RILPL2: variants seen among roughly 807,000 people sequenced by gnomAD.
The protein encoded by RILPL2 is RILP-like protein 2.
A neutral mutation model predicts 22.2 loss-of-function variants in RILPL2; 19 were observed. That is an observed-to-expected ratio of 0.86 (90% CI 0.60 to 1.25). The LOEUF is 1.25. RILPL2 is among the 50% of genes most tolerant of loss of function. RILPL2 has a pLI of 0.00. For synonymous variants in RILPL2, 123 were observed against 111.6 expected, an observed-to-expected ratio of 1.10 and a Z score of -0.64; for missense variants, 243 against 263.6, an observed-to-expected ratio of 0.92 and a Z score of 0.54.
chr12:123,431,481 G>A (rs1311627108), intron 1 of RILPL2, among the ~76,000 whole-genome samples: 1 of 152,112 alleles, frequency 6.6e-6, no homozygotes, highest in Non-Finnish European at 1.5e-5. Context: ...TGGTGGTGAT[G>A]GCTGCACAAC....
chr12:123,432,985 T>TAAGAAG (rs147578719), intron 1 of RILPL2, among the ~76,000 whole-genome samples: 21 of 151,422 alleles, frequency 1.4e-4, no homozygotes, highest in African/African-American at 2.9e-4. Context: ...TAATAATAAT[T>TAAGAAG]AAGAAGAAGA....
intron 2 of RILPL2, among the ~76,000 whole-genome samples, chr12:123,429,070 A>G (rs1057068363): frequency 6.6e-6 from 1 of 152,176 alleles, no homozygotes. Flanking sequence ...TGATTATGGC[A>G]ACAGCTTTTT....
At chr12:123,430,225 C>T (rs549798199) in intron 2 of RILPL2, among the ~76,000 whole-genome samples, 45 of 148,678 alleles carry the variant, frequency 3.0e-4, no homozygotes, top group South Asian at 1.7e-3. Context: ...CTGCCTAACA[C>T]GGTGAAACTC....
At chr12:123,426,891 C>T (rs555075325) in intron 2 of RILPL2, among the ~76,000 whole-genome samples, 16 of 151,644 alleles carry the variant, frequency 1.1e-4, no homozygotes, top group African/African-American at 3.4e-4. Flanking sequence ...CGTGAGCCAC[C>T]GCGGCCAGCC....
At chr12:123,430,287 T>C (rs1372819793) in intron 2 of RILPL2, among the ~76,000 whole-genome samples, 2 of 151,268 alleles carry the variant, frequency 1.3e-5, no homozygotes, top group African/African-American at 2.4e-5. Flanking sequence ...CGGGCGCCTG[T>C]AGTCCCAGCT....
At chr12:123,410,063 GT>G (rs1435795134), downstream of RILPL2, among the ~76,000 whole-genome samples, 2 of 151,998 alleles carry the variant, frequency 1.3e-5, no homozygotes, top group African/African-American at 4.8e-5. Context: ...GGCCAGGCTG[GT>G]CTCAAACTCC....
chr12:123,410,453 T>TC (rs1404130897), downstream of RILPL2, among the ~76,000 whole-genome samples: 1 of 152,188 alleles, frequency 6.6e-6, no homozygotes, highest in African/African-American at 2.4e-5. Flanking sequence ...TCAAGTCACT[T>TC]CCCCTCTCTG....
chr12:123,415,670 G>A lies in RILPL2; in HGVS notation c.*221C>T. 1 of 655,378 alleles carries A rather than the reference G, an allele frequency of 1.5e-6. No individual in the cohort carries two copies. The highest frequency in any genetic ancestry group is 1.8e-5 in the South Asian group (1 of 55,396). 40.6% of individuals were successfully genotyped at this position (655,378 alleles called of 1,614,324 possible). A position where few individuals can be genotyped will look rare whatever the true frequency, so the allele number is the denominator to read the frequency against. ...ATCCCTTCTGTTTTTCTTGATTTCA[G>A]TCTCACTGGCCCAGGCCAAATCTTC... On this transcript the variant is annotated 3_prime_UTR_variant, in exon 4 of 4. Coordinates refer to ENST00000280571, the MANE Select transcript of RILPL2 (RefSeq NM_145058.3).
intron 3 of RILPL2, among the ~76,000 whole-genome samples, chr12:123,418,254 G>A (rs58491161): frequency 0.044 from 6,698 of 152,150 alleles, 316 homozygotes; most frequent in East Asian, 0.24. Context: ...TCTTCCTTCC[G>A]GTCTTTAATG....
At chr12:123,421,274 C>T (rs1879275224) in intron 3 of RILPL2, among the ~76,000 whole-genome samples, 1 of 152,024 alleles carries the variant, frequency 6.6e-6, no homozygotes, top group African/African-American at 2.4e-5. Context: ...GAACTCATGA[C>T]CTCAAATGAT....
At chr12:123,410,078 C>T (rs1324516720), downstream of RILPL2, among the ~76,000 whole-genome samples, 1 of 152,020 alleles carries the variant, frequency 6.6e-6, no homozygotes, top group Non-Finnish European at 1.5e-5. Flanking sequence ...AAACTCCTGA[C>T]CTTAATGATC....
chr12:123,416,962 T>G (rs1879134201), intron 3 of RILPL2, among the ~76,000 whole-genome samples: 1 of 152,110 alleles, frequency 6.6e-6, no homozygotes, highest in East Asian at 1.9e-4. Flanking sequence ...GTGGAGGTGC[T>G]CTTTCATTAT....
intron 2 of RILPL2, among the ~76,000 whole-genome samples, chr12:123,423,608 C>A (rs114746367): frequency 2.0e-3 from 299 of 151,354 alleles, no homozygotes; most frequent in African/African-American, 7.0e-3. Flanking sequence ...CAGAGAAATT[C>A]TGTTTAAAAT....
At chr12:123,429,106 A>G (rs1879523199) in intron 2 of RILPL2, among the ~76,000 whole-genome samples, 1 of 151,728 alleles carries the variant, frequency 6.6e-6, no homozygotes, top group Admixed American at 6.6e-5. Context: ...TTGTCCTACA[A>G]TCTATTTTGT....
At chr12:123,425,024 C>T (rs926238555) in intron 2 of RILPL2, among the ~76,000 whole-genome samples, 1 of 151,264 alleles carries the variant, frequency 6.6e-6, no homozygotes, top group Non-Finnish European at 1.5e-5. Context: ...GGACTACAGG[C>T]GTCCGCCACC....
At position 123,423,161 on chromosome 12, in the gene RILPL2, G is replaced by A; in HGVS notation, c.492-4C>T. Reference sequence around the variant, plus strand: ...TTCTCTTGGTGGAATCAGGCCACTGGGAAACGGGACAAAAAATAAATGGAT... The same window carrying A: ...TTCTCTTGGTGGAATCAGGCCACTGAGAAACGGGACAAAAAATAAATGGAT... On this transcript the variant is annotated splice_region_variant and splice_polypyrimidine_tract_variant and intron_variant, in intron 2 of 3. Transcript: ENST00000280571. 1 of 1,559,014 alleles carries A rather than the reference G, an allele frequency of 6.4e-7. No individual in the cohort carries two copies. The highest frequency in any genetic ancestry group is 1.1e-5 in the South Asian group (1 of 87,330).
chr12:123,430,356 C>G, intron 2 of RILPL2, 152 bp downstream of exon 2: 1 of 575,286 alleles, frequency 1.7e-6, no homozygotes, highest in South Asian at 2.8e-5. Flanking sequence ...TTGCAGTGAG[C>G]CGAGATCGCG....
At chr12:123,416,006 T>C in intron 3 of RILPL2, 85 bp from the exon 4 acceptor site, 1 of 1,361,552 alleles carries the variant, frequency 7.3e-7, no homozygotes, top group Non-Finnish European at 1.1e-6. Context: ...TCTAAGTAGC[T>C]CTTGCAGCTG....
chr12:123,435,688 G>A (rs1016407367), intron 1 of RILPL2, among the ~76,000 whole-genome samples: 7 of 152,130 alleles, frequency 4.6e-5, no homozygotes, highest in Non-Finnish European at 8.8e-5. Flanking sequence ...GTAGTGAGCC[G>A]TGTTTGCACC....
Sources: allele counts gnomAD v4.1 joint callset (sites outside exome capture counted in the v4.1 genomes callset), GRCh38; gene constraint gnomAD v4.1.1; transcripts MANE v1.5; gene names NCBI Gene and HGNC (gene_info 2026-07-23, HGNC 2026-07-21).